NEK1: variants seen among roughly 807,000 people sequenced by gnomAD.
NEK1 encodes NIMA related kinase 1, also known as serine/threonine-protein kinase Nek1.
Under a neutral mutation model 182.1 loss-of-function variants are expected in NEK1, and 137 were observed. The ratio of observed to expected loss-of-function variants is 0.75; its 90% CI spans 0.65 to 0.87. The LOEUF (loss-of-function observed/expected upper bound fraction) is 0.87. Among genes scored for constraint, NEK1 ranks in the 40% least tolerant of loss-of-function variants. The pLI, the probability that NEK1 is intolerant of heterozygous loss-of-function variation, is 0.00. For missense variants in NEK1, 1,391 were observed against 1,494.4 expected (o/e 0.93, Z 1.14); for synonymous variants, 513 against 492.2 (o/e 1.04, Z -0.56).
intron 19 of NEK1, among the ~76,000 whole-genome samples, chr4:169,513,275 T>G (rs758785434): frequency 8.5e-5 from 13 of 152,314 alleles, no homozygotes; most frequent in Non-Finnish European, 1.5e-4. Flanking sequence ...CAGCATTTTG[T>G]CATTTAATTG....
In NEK1 at chr4:169,479,537, A is replaced by G. The variant is rs1747594128; in HGVS notation, c.2008-3T>C. 8 of 1,590,440 alleles carry G rather than the reference A, an allele frequency of 5.0e-6. No individual in the cohort carries two copies. The highest frequency in any genetic ancestry group is 6.8e-6 in the Non-Finnish European group (8 of 1,170,868). On this transcript the variant is annotated splice_polypyrimidine_tract_variant and splice_region_variant and intron_variant, in intron 23 of 35. Transcript: ENST00000507142. The stretch of plus-strand genomic sequence containing the variant: ...CTCTTAACTCCTTTAGCCACCAACT[A>G]TAAAAAAGGATTTTATTAAATACAT...
chr4:169,484,118 T>C (rs564948061), intron 23 of NEK1, among the ~76,000 whole-genome samples: 4 of 152,350 alleles, frequency 2.6e-5, no homozygotes, highest in South Asian at 4.1e-4. Context: ...AAAAGAAATA[T>C]ACTTTGAATG....
chr4:169,470,585 G>A lies in NEK1; in HGVS notation c.2434+6539C>T, dbSNP rs867718823. On this transcript the variant is annotated intron_variant, in intron 26 of 35. Transcript: ENST00000507142. Reference sequence around the variant, plus strand: ...TTCATTTCAACCTTGGGAATCTGACGATTATGTGTCTTGGGGTTGCTCTTC... The same window carrying A: ...TTCATTTCAACCTTGGGAATCTGACAATTATGTGTCTTGGGGTTGCTCTTC... Among the ~76,000 whole-genome samples the A allele has an allele frequency of 6.6e-5, 10 of 152,230 alleles. No homozygotes were observed. The South Asian group carries it at 2.1e-3, about 32-fold the overall frequency.
chr4:169,564,949 C>T (rs1763447517), intron 12 of NEK1, among the ~76,000 whole-genome samples: 2 of 152,122 alleles, frequency 1.3e-5, no homozygotes, highest in Non-Finnish European at 2.9e-5. Context: ...ACACCTGATT[C>T]CACTCTTATG....
chr4:169,497,421 C>G (rs1233582916), intron 23 of NEK1, among the ~76,000 whole-genome samples: 2 of 152,060 alleles, frequency 1.3e-5, no homozygotes, highest in African/African-American at 4.8e-5. Flanking sequence ...CTGCTCTGAT[C>G]TTAGTTATTT....
intron 23 of NEK1, among the ~76,000 whole-genome samples, chr4:169,503,734 G>C (rs531870294): frequency 6.6e-6 from 1 of 152,184 alleles, no homozygotes; most frequent in South Asian, 2.1e-4. Flanking sequence ...ATGTATTAAA[G>C]ACTTAAATCT....
rs78321487 is a variant in NEK1 at position 169,411,873 on chromosome 4, G to A, written c.3223-5126C>T. ...GCCTACAGACCATTCACTGCATTAT[G>A]AAGGCATGTATCCCAGCCAGGAGTA... On this transcript the variant is annotated intron_variant, in intron 31 of 35. Coordinates refer to ENST00000507142, the MANE Select transcript of NEK1 (RefSeq NM_001199397.3). Among the ~76,000 whole-genome samples the A allele has an allele frequency of 2.4e-4, 37 of 152,242 alleles. 1 individual carries two copies. In the East Asian group the frequency reaches 7.1e-3, roughly 29 times the overall value.
chr4:169,506,014 TTATAAC>T (rs1362067296), intron 23 of NEK1, among the ~76,000 whole-genome samples: 2 of 151,880 alleles, frequency 1.3e-5, no homozygotes, highest in African/African-American at 4.8e-5. Flanking sequence ...ATAAAAACTA[TTATAAC>T]TATGTCAATT....
chr4:169,560,562 C>T (rs890682025), intron 16 of NEK1, among the ~76,000 whole-genome samples: 1 of 152,084 alleles, frequency 6.6e-6, no homozygotes, highest in Non-Finnish European at 1.5e-5. Flanking sequence ...ACAGGTACCA[C>T]TTATACTCAA....
intron 19 of NEK1, among the ~76,000 whole-genome samples, chr4:169,528,744 AT>A (rs1270438298): frequency 6.6e-6 from 1 of 152,244 alleles, no homozygotes; most frequent in Non-Finnish European, 1.5e-5. Flanking sequence ...ATCAGTATGG[AT>A]CAAGAAGAAT....
chr4:169,612,476 G>T lies in NEK1; in HGVS notation c.-427C>A. On this transcript the variant is annotated 5_prime_UTR_variant, in exon 1 of 36. Transcript: ENST00000507142. ...AGCTACTTGACTGCCACGTGCTCCT[G>T]CCTCGCAACAGCGGCTCTAGATTCC... 6.5e-6 allele frequency: 1 copy of T among 152,684 alleles called. No homozygotes were observed. Among genetic ancestry groups the T allele is most frequent in the Non-Finnish European group, 1.5e-5 (1 of 68,408 alleles). The allele number at this position is 152,684 out of a possible 1,614,324, so 9.5% of individuals were successfully genotyped here. A position where few individuals can be genotyped will look rare whatever the true frequency, so the allele number is the denominator to read the frequency against.
chr4:169,401,510 T>C (rs551749609), intron 33 of NEK1, 142 bp downstream of exon 33: 4 of 522,736 alleles, frequency 7.7e-6, no homozygotes, highest in Non-Finnish European at 1.3e-5. Context: ...AGAAAAAGAA[T>C]GAAAAAAGGG....
intron 23 of NEK1, among the ~76,000 whole-genome samples, chr4:169,500,377 G>A (rs1561303141): frequency 6.6e-6 from 1 of 152,212 alleles, no homozygotes; most frequent in Non-Finnish European, 1.5e-5. Context: ...CCCTGCTTCG[G>A]TTCATGCTCG....
At chr4:169,494,860 A>AT (rs1319301561) in intron 23 of NEK1, among the ~76,000 whole-genome samples, 2 of 152,096 alleles carry the variant, frequency 1.3e-5, no homozygotes, top group East Asian at 3.9e-4. Flanking sequence ...GATGATGAGC[A>AT]TTTTTTCATG....
chr4:169,552,484 G>T (rs1324028693), intron 18 of NEK1, among the ~76,000 whole-genome samples: 1 of 151,912 alleles, frequency 6.6e-6, no homozygotes, highest in Non-Finnish European at 1.5e-5. Flanking sequence ...AAAACCTACA[G>T]CTAACATATT....
At chr4:169,493,760 C>G (rs1190469529) in intron 23 of NEK1, among the ~76,000 whole-genome samples, 1 of 152,082 alleles carries the variant, frequency 6.6e-6, no homozygotes, top group African/African-American at 2.4e-5. Flanking sequence ...TTTAAAAAAG[C>G]AAACAAGGCC....
chr4:169,599,917 T>G (rs1043763640), intron 4 of NEK1, among the ~76,000 whole-genome samples: 1 of 151,848 alleles, frequency 6.6e-6, no homozygotes, highest in African/African-American at 2.4e-5. Context: ...TAAGAAAAAG[T>G]GTCTCAATAT....
intron 26 of NEK1, among the ~76,000 whole-genome samples, chr4:169,468,918 A>G (rs548915597): frequency 6.6e-6 from 1 of 152,192 alleles, no homozygotes; most frequent in Non-Finnish European, 1.5e-5. Context: ...AGGTGTTTAT[A>G]GTATTCTCTG....
At chr4:169,445,849 C>CATATATATATATATATATAT (rs70964204) in intron 27 of NEK1, among the ~76,000 whole-genome samples, 36 of 140,204 alleles carry the variant, frequency 2.6e-4, no homozygotes, top group African/African-American at 9.0e-4. Context: ...CAACTATATA[C>CATATATATATATATATATAT]ATATATATAT....
Sources: allele counts gnomAD v4.1 joint callset (sites outside exome capture counted in the v4.1 genomes callset), GRCh38; gene constraint gnomAD v4.1.1; transcripts MANE v1.5; gene names NCBI Gene and HGNC (gene_info 2026-07-23, HGNC 2026-07-21).